LRRC4C: variants seen among roughly 807,000 people sequenced by gnomAD.
The protein encoded by LRRC4C is leucine rich repeat containing 4C, also known as leucine-rich repeat-containing protein 4C.
A neutral mutation model predicts 33.6 loss-of-function variants in LRRC4C; 5 were observed. The ratio of observed to expected loss-of-function variants is 0.15; its 90% CI spans 0.08 to 0.31. The LOEUF is 0.31. Ranked by LOEUF, LRRC4C falls within the 10% of genes least tolerant of loss-of-function variation. The pLI, the probability that LRRC4C is intolerant of heterozygous loss-of-function variation, is 1.00. For synonymous variants in LRRC4C, 329 were observed against 302.0 expected (o/e 1.09, Z -0.93); for missense variants, 560 against 796.7 (o/e 0.70, Z 3.58).
chr11:40,955,046 C>G (rs981960337), intron 1 of LRRC4C, among the ~76,000 whole-genome samples: 2 of 151,854 alleles, frequency 1.3e-5, no homozygotes, highest in African/African-American at 2.4e-5. Flanking sequence ...GAAACATCAT[C>G]TCACTCCTTT....
At chr11:41,371,478 A>C (rs1431173302) in intron 1 of LRRC4C, among the ~76,000 whole-genome samples, 1 of 152,174 alleles carries the variant, frequency 6.6e-6, no homozygotes, top group Non-Finnish European at 1.5e-5. Flanking sequence ...CATGTGGTTT[A>C]ATATGTGGAA....
intron 2 of LRRC4C, among the ~76,000 whole-genome samples, chr11:40,764,544 C>T (rs1949362741): frequency 6.6e-6 from 1 of 152,116 alleles, no homozygotes; most frequent in African/African-American, 2.4e-5. Context: ...GAGCTTACCG[C>T]CTTGAAGTTA....
intron 6 of LRRC4C, among the ~76,000 whole-genome samples, chr11:40,140,552 C>T (rs780715145): frequency 1.3e-5 from 2 of 152,126 alleles, no homozygotes; most frequent in Non-Finnish European, 2.9e-5. Context: ...TGTTTCTAAA[C>T]TGGCAAAGAG....
At chr11:40,489,291 C>A (rs1464676742) in intron 3 of LRRC4C, among the ~76,000 whole-genome samples, 2 of 152,114 alleles carry the variant, frequency 1.3e-5, no homozygotes, top group African/African-American at 2.4e-5. Context: ...AAGTCACTCT[C>A]TGCCTACAAT....
At chr11:41,151,972 G>A (rs7933937) in intron 1 of LRRC4C, among the ~76,000 whole-genome samples, 140,753 of 152,278 alleles carry the variant, frequency 0.92, 65,550 homozygotes, top group East Asian at 1. Flanking sequence ...AGCTAGTACT[G>A]CAGAGGAGAT....
rs1365682681 is a variant in LRRC4C, at chr11:40,841,296, C to A, written c.-407+92339G>T. Reference sequence around the variant, plus strand: ...TTTCTTAGTCCCAATCCTTGTCCTGCTGTGATAAGACTTTTCTTATGGCTT... The same window carrying A: ...TTTCTTAGTCCCAATCCTTGTCCTGATGTGATAAGACTTTTCTTATGGCTT... On this transcript the variant is annotated intron_variant, in intron 2 of 6. Coordinates refer to ENST00000528697, the MANE Select transcript of LRRC4C (RefSeq NM_001258419.2). Among the ~76,000 whole-genome samples, 4 of 152,140 alleles carry A rather than the reference C, an allele frequency of 2.6e-5. No individual in the cohort carries two copies. The East Asian group carries it at 7.7e-4, about 29-fold the overall frequency.
intron 1 of LRRC4C, among the ~76,000 whole-genome samples, chr11:41,224,539 G>A (rs898188840): frequency 6.6e-6 from 1 of 152,174 alleles, no homozygotes; most frequent in Non-Finnish European, 1.5e-5. Flanking sequence ...TCCTAAGGAA[G>A]TCAAAACTTC....
At chr11:40,202,828 T>G (rs904151770) in intron 5 of LRRC4C, among the ~76,000 whole-genome samples, 3 of 152,168 alleles carry the variant, frequency 2.0e-5, no homozygotes, top group African/African-American at 7.2e-5. Flanking sequence ...ATTCACTGCT[T>G]TACTCCAGGA....
At chr11:40,630,367 T>TAG in intron 3 of LRRC4C, among the ~76,000 whole-genome samples, 1 of 104,308 alleles carries the variant, frequency 9.6e-6, no homozygotes, top group Non-Finnish European at 2.1e-5. Context: ...TTCTTCTTCT[T>TAG]CTTCTTCTTC....
chr11:41,001,824 C>A (rs1854403993), intron 1 of LRRC4C, among the ~76,000 whole-genome samples: 1 of 151,522 alleles, frequency 6.6e-6, no homozygotes, highest in South Asian at 2.1e-4. Context: ...TCAAAACTTT[C>A]AGGTCAATGG....
chr11:41,340,706 C>T lies in LRRC4C; in HGVS notation c.-496+118725G>A, dbSNP rs146759051. ...TAGAGTCTATTTGTCTCAGTTTTCT[C>T]CTTTAGAAAATAAAGATGGCAATAA... On this transcript the variant is annotated intron_variant, in intron 1 of 6. Transcript: ENST00000528697. 5.3e-3 allele frequency among the ~76,000 whole-genome samples: 812 copies of T among 152,150 alleles called. 4 individuals are homozygous for T. The highest frequency in any genetic ancestry group is 0.031 in the Middle Eastern group (9 of 292).
intron 2 of LRRC4C, among the ~76,000 whole-genome samples, chr11:40,777,373 A>G (rs769615044): frequency 8.5e-5 from 13 of 152,108 alleles, no homozygotes; most frequent in Non-Finnish European, 1.9e-4. Flanking sequence ...TTGTAGAACT[A>G]GAAATACTTG....
At chr11:40,182,761 C>A (rs901191728) in intron 5 of LRRC4C, among the ~76,000 whole-genome samples, 5 of 152,118 alleles carry the variant, frequency 3.3e-5, no homozygotes, top group Non-Finnish European at 7.4e-5. Flanking sequence ...GTAATTTGTT[C>A]ATTTATGTGT....
At chr11:41,026,914 A>T (rs1856412878) in intron 1 of LRRC4C, among the ~76,000 whole-genome samples, 1 of 151,654 alleles carries the variant, frequency 6.6e-6, no homozygotes, top group Non-Finnish European at 1.5e-5. Context: ...AGAAACCAAA[A>T]ATTTCTTTTG....
At chr11:40,607,863 C>G (rs906235419) in intron 3 of LRRC4C, among the ~76,000 whole-genome samples, 1 of 152,032 alleles carries the variant, frequency 6.6e-6, no homozygotes, top group African/African-American at 2.4e-5. Context: ...AACACTCATC[C>G]CTAGACCCTG....
chr11:40,768,411 A>T (rs1949587322), intron 2 of LRRC4C, among the ~76,000 whole-genome samples: 1 of 152,070 alleles, frequency 6.6e-6, no homozygotes. Context: ...TACCAATCCT[A>T]CTCAAACTAT....
chr11:40,982,447 A>G (rs560682645), intron 1 of LRRC4C, among the ~76,000 whole-genome samples: 1 of 152,306 alleles, frequency 6.6e-6, no homozygotes, highest in East Asian at 1.9e-4. Flanking sequence ...TAAATTAAAC[A>G]AACACATTGC....
At chr11:40,923,811 A>G (rs886413816) in intron 2 of LRRC4C, among the ~76,000 whole-genome samples, 4 of 152,164 alleles carry the variant, frequency 2.6e-5, no homozygotes, top group Admixed American at 2.6e-4. Context: ...ATGCATTATA[A>G]CTTGTCTTAT....
At chr11:40,729,073 C>T (rs1947431934) in intron 2 of LRRC4C, among the ~76,000 whole-genome samples, 1 of 151,996 alleles carries the variant, frequency 6.6e-6, no homozygotes, top group South Asian at 2.1e-4. Context: ...AAGCTTAAAC[C>T]TCAGCATCAT....
Sources: allele counts gnomAD v4.1 joint callset (sites outside exome capture counted in the v4.1 genomes callset), GRCh38; gene constraint gnomAD v4.1.1; transcripts MANE v1.5; gene names NCBI Gene and HGNC (gene_info 2026-07-23, HGNC 2026-07-21).